Variants in AKAP7 observed in about 807,000 individuals in gnomAD.
AKAP7 encodes A kinase (PRKA) anchor protein 7.
In AKAP7, 39 loss-of-function variants were observed where a neutral mutation model predicts 39.5. The observed-to-expected ratio is 0.99, with a 90% CI of 0.76 to 1.29. AKAP7 has a LOEUF of 1.29. Among genes scored for constraint, AKAP7 ranks in the 50% most tolerant of loss-of-function variants. The probability of loss-of-function intolerance (pLI) is 0.00; values close to 1 mark genes in which losing one functional copy is unlikely to be tolerated. For synonymous variants in AKAP7, 140 were observed against 139.1 expected, an observed-to-expected ratio of 1.01 and a Z score of -0.05; for missense variants, 414 against 407.7, an observed-to-expected ratio of 1.02 and a Z score of -0.13.
At chr6:131,157,067 A>C (rs959759410) in intron 2 of AKAP7, among the ~76,000 whole-genome samples, 1 of 151,970 alleles carries the variant, frequency 6.6e-6, no homozygotes, top group Non-Finnish European at 1.5e-5. Context: ...GAGCCACCAC[A>C]CCCAGCCTGG....
chr6:131,219,885 A>T, intron 7 of AKAP7, 77 bp downstream of exon 7: 1 of 1,031,292 alleles, frequency 9.7e-7, no homozygotes, highest in Non-Finnish European at 1.3e-6. Flanking sequence ...GCAAATATTT[A>T]AACTTAGTTG....
chr6:131,168,971 G>A (rs1803767198), intron 4 of AKAP7, 142 bp from the exon 5 acceptor site: 3 of 706,552 alleles, frequency 4.2e-6, no homozygotes, highest in East Asian at 2.9e-5. Flanking sequence ...ATAAAGTTTA[G>A]ATTTAGAAGG....
Position 131,259,732 on chromosome 6 carries a change from AT to A in AKAP7, c.851-21792del, listed in dbSNP as rs533354762. Among the ~76,000 whole-genome samples, 3 of 152,192 alleles carry A rather than the reference AT, an allele frequency of 2.0e-5. No individual in the cohort carries two copies. The South Asian group carries it at 6.2e-4, about 32-fold the overall frequency. ...TTCATAATAAATTGCCTGAGAGAAGATTTTTTAAGGCAGAATTTTCAAACTA... is the reference window on the plus strand; with the variant it reads ...TTCATAATAAATTGCCTGAGAGAAGATTTTTAAGGCAGAATTTTCAAACTA... On this transcript the variant is annotated intron_variant, in intron 7 of 7. Transcript: ENST00000431975.
At chr6:131,198,205 A>G (rs1458299909) in intron 5 of AKAP7, among the ~76,000 whole-genome samples, 1 of 152,108 alleles carries the variant, frequency 6.6e-6, no homozygotes, top group East Asian at 1.9e-4. Flanking sequence ...CCCAACATCT[A>G]CTTGACATTT....
rs371677146 is a variant in AKAP7 at position 131,180,821 on chromosome 6, T to G, written c.589+11548T>G. ...TGGTTTCTGAGACACCACTTTCTTT[T>G]TTTGTTTGTTTTGTTTTTTTTTTTT... On this transcript the variant is annotated intron_variant, in intron 5 of 7. Transcript: ENST00000431975. 1.0e-3 allele frequency among the ~76,000 whole-genome samples: 120 copies of G among 114,958 alleles called. 2 individuals carry two copies. Among genetic ancestry groups the G allele is most frequent in the Admixed American group, 1.9e-3 (21 of 10,798 alleles). 75.4% of individuals were successfully genotyped at this position (114,958 alleles called of 152,430 possible).
In AKAP7 at chr6:131,245,644, A is replaced by T. The variant is rs535599040; in HGVS notation, c.850+25836A>T. The stretch of plus-strand genomic sequence containing the variant: ...GTTATGTTTCCACGAATTGTCAAGC[A>T]CTTCTTGAACTTAACATACATTTTC... On this transcript the variant is annotated intron_variant, in intron 7 of 7. Coordinates refer to ENST00000431975, the MANE Select transcript of AKAP7 (RefSeq NM_016377.4). Among the ~76,000 whole-genome samples the T allele has an allele frequency of 1.1e-4, 17 of 152,052 alleles. 1 individual carries two copies. In the East Asian group the frequency reaches 3.1e-3, roughly 28 times the overall value.
At chr6:131,198,230 A>G (rs1445401205) in intron 5 of AKAP7, among the ~76,000 whole-genome samples, 1 of 152,154 alleles carries the variant, frequency 6.6e-6, no homozygotes, top group East Asian at 1.9e-4. Flanking sequence ...CATAGGACAT[A>G]CAGTTACAAT....
intron 5 of AKAP7, among the ~76,000 whole-genome samples, chr6:131,195,405 G>A (rs1354950220): frequency 6.6e-6 from 1 of 151,966 alleles, no homozygotes; most frequent in Admixed American, 6.6e-5. Flanking sequence ...GAAGAGTTGT[G>A]GTAGTTATTA....
In AKAP7 at chr6:131,259,099, T is replaced by C. The variant is rs532032928; in HGVS notation, c.851-22431T>C. ...GAGGTCAGATAGTAGTTGTTGGCAT[T>C]TGCCATGTGAATTACATCAGGCTTC... On this transcript the variant is annotated intron_variant, in intron 7 of 7. Coordinates refer to ENST00000431975, the MANE Select transcript of AKAP7 (RefSeq NM_016377.4). Among the ~76,000 whole-genome samples, 5 of 152,348 alleles carry C rather than the reference T, an allele frequency of 3.3e-5. No homozygotes were observed. The South Asian group carries it at 1.0e-3, about 32-fold the overall frequency.
At chr6:131,222,381 G>A (rs1809780541) in intron 7 of AKAP7, among the ~76,000 whole-genome samples, 1 of 152,068 alleles carries the variant, frequency 6.6e-6, no homozygotes, top group Non-Finnish European at 1.5e-5. Context: ...AAAAATACTA[G>A]CCGGGCGTGG....
intron 1 of AKAP7, chr6:131,136,734 C>G: frequency 7.8e-6 from 3 of 385,452 alleles, no homozygotes; most frequent in Non-Finnish European, 1.1e-5. Flanking sequence ...GTCCATTTCT[C>G]CCTAATAATT....
intron 7 of AKAP7, among the ~76,000 whole-genome samples, chr6:131,243,799 A>G (rs1330094749): frequency 1.3e-5 from 2 of 152,164 alleles, no homozygotes; most frequent in Non-Finnish European, 2.9e-5. Flanking sequence ...TGTTGTTTAC[A>G]TTGTTAAACT....
At chr6:131,143,973 A>T (rs1801272779) in intron 1 of AKAP7, among the ~76,000 whole-genome samples, 1 of 138,450 alleles carries the variant, frequency 7.2e-6, no homozygotes, top group African/African-American at 2.7e-5. Flanking sequence ...CTTAACGAGC[A>T]TGCTGCCTTC....
At chr6:131,197,063 C>G (rs1451457428) in intron 5 of AKAP7, among the ~76,000 whole-genome samples, 1 of 151,948 alleles carries the variant, frequency 6.6e-6, no homozygotes, top group Non-Finnish European at 1.5e-5. Context: ...TTTTCTTTCT[C>G]TCTTTTATAT....
intron 7 of AKAP7, among the ~76,000 whole-genome samples, chr6:131,277,125 C>T (rs191055927): frequency 2.6e-5 from 4 of 152,214 alleles, no homozygotes; most frequent in Non-Finnish European, 4.4e-5. Flanking sequence ...CCTGGATGAA[C>T]GATGCCACAA....
intron 3 of AKAP7, among the ~76,000 whole-genome samples, chr6:131,162,144 G>A (rs1299175498): frequency 1.3e-5 from 2 of 152,092 alleles, no homozygotes; most frequent in Admixed American, 6.5e-5. Context: ...TACCCCTTCC[G>A]GAGAAGACTG....
intron 6 of AKAP7, among the ~76,000 whole-genome samples, chr6:131,208,491 A>G (rs1394338902): frequency 6.6e-6 from 1 of 152,256 alleles, no homozygotes; most frequent in Non-Finnish European, 1.5e-5. Context: ...AAACCCTGGA[A>G]GAAATGACTG....
chr6:131,176,874 C>T (rs991006120), intron 5 of AKAP7, among the ~76,000 whole-genome samples: 5 of 152,110 alleles, frequency 3.3e-5, no homozygotes, highest in Non-Finnish European at 5.9e-5. Context: ...GCTTGGGCTA[C>T]GCTTTCTTCA....
the AKAP7 span, among the ~76,000 whole-genome samples, chr6:131,126,233 T>G: frequency 6.6e-6 from 1 of 152,242 alleles, no homozygotes; most frequent in African/African-American, 2.4e-5. Flanking sequence ...TAATTGAATA[T>G]GCTGGCTGTC....
Sources: gnomAD v4.1 joint callset for allele counts (sites outside exome capture counted in the v4.1 genomes callset) on GRCh38, gnomAD v4.1.1 for gene constraint, MANE v1.5 for transcripts, NCBI Gene and HGNC (gene_info 2026-07-23, HGNC 2026-07-21) for gene names.